Variants in GAB1 observed in about 807,000 individuals in gnomAD.
The protein encoded by GAB1 is GRB2 associated binding protein 1, also known as GRB2-associated-binding protein 1.
In GAB1, 19 loss-of-function variants were observed where a neutral mutation model predicts 66.5. That is an observed-to-expected ratio of 0.29 (90% CI 0.20 to 0.42). The LOEUF (loss-of-function observed/expected upper bound fraction) is 0.42. Ranked by LOEUF, GAB1 falls within the 10% of genes least tolerant of loss-of-function variation. GAB1 has a pLI of 1.00. For synonymous variants in GAB1, 294 were observed against 301.4 expected (o/e 0.98, Z 0.25); for missense variants, 732 against 858.5 (o/e 0.85, Z 1.84).
chr4:143,449,198 C>T (rs1479886016), intron 6 of GAB1, among the ~76,000 whole-genome samples: 1 of 149,990 alleles, frequency 6.7e-6, no homozygotes, highest in Non-Finnish European at 1.5e-5. Flanking sequence ...CTGAGGAGAG[C>T]TTTACTTCCA....
intron 1 of GAB1, among the ~76,000 whole-genome samples, chr4:143,365,862 A>G (rs759368440): frequency 2.0e-5 from 3 of 152,236 alleles, no homozygotes; most frequent in Non-Finnish European, 2.9e-5. Context: ...CTACCATTAC[A>G]TGTTCTCCTG....
chr4:143,340,190 T>C (rs1728780306), intron 1 of GAB1, among the ~76,000 whole-genome samples: 1 of 152,246 alleles, frequency 6.6e-6, no homozygotes, highest in African/African-American at 2.4e-5. Context: ...TATACGTGCA[T>C]TTCCTATGCT....
chr4:143,360,990 A>G (rs571858072), intron 1 of GAB1, among the ~76,000 whole-genome samples: 1 of 152,186 alleles, frequency 6.6e-6, no homozygotes, highest in Admixed American at 6.5e-5. Context: ...CCTTTCCCCA[A>G]CAAGACATAT....
chr4:143,410,492 T>C (rs1560749857), intron 1 of GAB1, among the ~76,000 whole-genome samples: 1 of 152,222 alleles, frequency 6.6e-6, no homozygotes, highest in Non-Finnish European at 1.5e-5. Flanking sequence ...GACTCCCATC[T>C]GTACTTTCTT....
At chr4:143,395,707 A>T in intron 1 of GAB1, 1 of 330,804 alleles carries the variant, frequency 3.0e-6, no homozygotes, top group Non-Finnish European at 5.9e-6. Context: ...AATAAATATG[A>T]AGTTTTGAAA....
At chr4:143,423,723 G>A (rs1402878475) in intron 2 of GAB1, among the ~76,000 whole-genome samples, 1 of 143,074 alleles carries the variant, frequency 7.0e-6, no homozygotes, top group Non-Finnish European at 1.5e-5. Flanking sequence ...CTTGCAATGA[G>A]CCAGATCGCG....
At chr4:143,450,198 T>C (rs1734841846) in intron 6 of GAB1, among the ~76,000 whole-genome samples, 1 of 152,166 alleles carries the variant, frequency 6.6e-6, no homozygotes, top group South Asian at 2.1e-4. Flanking sequence ...ATTATTACAT[T>C]TCTCTTTATA....
Position 143,336,956 on chromosome 4 carries a change from G to A in GAB1, c.-233G>A, listed in dbSNP as rs979902748. The A allele has an allele frequency of 1.2e-5, 6 of 483,582 alleles. No individual in the cohort carries two copies. Among genetic ancestry groups the A allele is most frequent in the Non-Finnish European group, 2.2e-5 (6 of 273,582 alleles). 30.0% of individuals were successfully genotyped at this position (483,582 alleles called of 1,614,324 possible). On this transcript the variant is annotated 5_prime_UTR_variant, in exon 1 of 10. Transcript: ENST00000262994. ...AGGCGAGGCGGGCGCACTGAAAGGA[G>A]GCCGGCGCGCCCGCGGCCCCGGCTC...
At chr4:143,339,289 A>G (rs893266316) in intron 1 of GAB1, among the ~76,000 whole-genome samples, 3 of 152,210 alleles carry the variant, frequency 2.0e-5, no homozygotes, top group African/African-American at 7.2e-5. Context: ...GGCCGAGGCC[A>G]GTGGATCACC....
At chr4:143,468,664 G>A (rs1461587862) in intron 9 of GAB1, among the ~76,000 whole-genome samples, 7 of 151,820 alleles carry the variant, frequency 4.6e-5, no homozygotes, top group East Asian at 3.9e-4. Flanking sequence ...GGTGGCTCAC[G>A]CCTGTAATCC....
intron 1 of GAB1, among the ~76,000 whole-genome samples, chr4:143,391,258 TACATAGC>T (rs770503304): frequency 4.2e-4 from 64 of 152,360 alleles, no homozygotes; most frequent in Non-Finnish European, 5.9e-4. Flanking sequence ...GAATTTGTGC[TACATAGC>T]ACATATCTCC....
At position 143,474,215 on chromosome 4, in the gene GAB1, G is replaced by T. The variant is rs938037942; in HGVS notation, c.*5026G>T. 1.4e-4 allele frequency: 22 copies of T among 152,188 alleles called. No homozygotes were observed. The highest frequency in any genetic ancestry group is 3.4e-3 in the Middle Eastern group (1 of 294). The allele number at this position is 152,188 out of a possible 1,614,324, so 9.4% of individuals were successfully genotyped here. On this transcript the variant is annotated 3_prime_UTR_variant, in exon 10 of 10. Transcript: ENST00000262994. ...CACCTACAGAAAATTAAGTTTCTAA[G>T]ATGTTTCTATACTTCATTAGAAAAG...
chr4:143,425,968 A>G, intron 2 of GAB1: 1 of 742,046 alleles, frequency 1.3e-6, no homozygotes, highest in Non-Finnish European at 2.3e-6. Flanking sequence ...CATGGAAAAT[A>G]AACATCAGTA....
chr4:143,381,240 T>C (rs1388210257), intron 1 of GAB1, among the ~76,000 whole-genome samples: 1 of 152,200 alleles, frequency 6.6e-6, no homozygotes, highest in Non-Finnish European at 1.5e-5. Flanking sequence ...AATGCTTATA[T>C]CACCAGGGAA....
intron 6 of GAB1, among the ~76,000 whole-genome samples, chr4:143,444,248 C>T (rs1358939035): frequency 1.3e-5 from 2 of 152,176 alleles, no homozygotes; most frequent in African/African-American, 4.8e-5. Context: ...TGTCTAGTCT[C>T]TGTCTAGCAT....
At chr4:143,357,552 G>T (rs1169269649) in intron 1 of GAB1, among the ~76,000 whole-genome samples, 1 of 152,092 alleles carries the variant, frequency 6.6e-6, no homozygotes, top group African/African-American at 2.4e-5. Flanking sequence ...CATTCACCTT[G>T]ATTATTTTTT....
chr4:143,433,559 C>T lies in GAB1; in HGVS notation c.436C>T (p.Pro146Ser). Residue 146 changes from proline to serine, a missense_variant, in exon 3 of 10, where the codon CCA (proline) becomes TCA (serine). This residue lies in a region of GAB1 where 427 missense variants were observed against 420.6 expected (regional missense o/e 1.02). Coordinates refer to ENST00000262994, the MANE Select transcript of GAB1 (RefSeq NM_002039.4). ...ADLPLAINTA[P>S]PSTQADSSSA... The stretch of plus-strand genomic sequence containing the variant: ...TTTACCTTTAGCTATAAATACAGCA[C>T]CACCATCCACCCAGGCAGATTCATC... 2.5e-6 allele frequency: 4 copies of T among 1,613,966 alleles called. No homozygotes were observed. Among genetic ancestry groups the T allele is most frequent in the Non-Finnish European group, 3.4e-6 (4 of 1,179,882 alleles).
At chr4:143,396,542 G>A (rs28989234) in intron 1 of GAB1, among the ~76,000 whole-genome samples, 2 of 152,110 alleles carry the variant, frequency 1.3e-5, no homozygotes, top group Admixed American at 1.3e-4. Flanking sequence ...ACTGGAATAT[G>A]TGGTGCCACT....
At chr4:143,359,175 T>A (rs1462823333) in intron 1 of GAB1, among the ~76,000 whole-genome samples, 1 of 152,174 alleles carries the variant, frequency 6.6e-6, no homozygotes, top group Non-Finnish European at 1.5e-5. Flanking sequence ...GTTGGCCTCC[T>A]TTGGGGCCAT....
Sources: allele counts gnomAD v4.1 joint callset (sites outside exome capture counted in the v4.1 genomes callset), GRCh38; gene constraint gnomAD v4.1.1; regional missense constraint gnomAD v4.1.1; transcripts MANE v1.5; gene names NCBI Gene and HGNC (gene_info 2026-07-23, HGNC 2026-07-21).